MACO1: variants seen among roughly 807,000 people sequenced by gnomAD.
MACO1 encodes the protein macoilin 1, also known as macoilin.
MACO1 carries 14 observed loss-of-function variants against 78.7 expected under a neutral mutation model. That is an observed-to-expected ratio of 0.18 (90% CI 0.12 to 0.28). The LOEUF is 0.28. Ranked by LOEUF, MACO1 falls within the 10% of genes least tolerant of loss-of-function variation. The pLI, the probability that MACO1 is intolerant of heterozygous loss-of-function variation, is 1.00. For missense variants in MACO1, 501 were observed against 799.0 expected, an observed-to-expected ratio of 0.63 and a Z score of 4.50; for synonymous variants, 288 against 291.6, an observed-to-expected ratio of 0.99 and a Z score of 0.12.
At chr1:25,471,661 A>G (rs1411684396) in intron 6 of MACO1, among the ~76,000 whole-genome samples, 1 of 152,226 alleles carries the variant, frequency 6.6e-6, no homozygotes, top group African/African-American at 2.4e-5. Context: ...AATACTAGGA[A>G]GCAGGGAGGG....
In MACO1 at chr1:25,498,345, C is replaced by T; in HGVS notation, c.1874C>T (p.Thr625Ile). 1 of 1,614,166 alleles carries T rather than the reference C, an allele frequency of 6.2e-7. No homozygotes were observed. Among genetic ancestry groups the T allele is most frequent in the Non-Finnish European group, 8.5e-7 (1 of 1,180,038 alleles). Reference protein sequence around the residue: ...AEVMAVMPSITYSAATSPLSP... With the variant: ...AEVMAVMPSIIYSAATSPLSP... Reference sequence around the variant, plus strand: ...GTCATGGCCGTCATGCCCAGCATAACATACAGTGCCGCCACCAGCCCCCTG... The same window carrying T: ...GTCATGGCCGTCATGCCCAGCATAATATACAGTGCCGCCACCAGCCCCCTG... The change falls in exon 11 of 11, where the codon ACA (threonine) becomes ATA (isoleucine). Residue 625 changes from threonine to isoleucine, a missense_variant. Transcript: ENST00000374343.
At chr1:25,498,081 A>G (rs1229968232) in intron 10 of MACO1, among the ~76,000 whole-genome samples, 183 bp from the exon 11 acceptor site, 1 of 152,230 alleles carries the variant, frequency 6.6e-6, no homozygotes, top group African/African-American at 2.4e-5. Flanking sequence ...AGTACACTGT[A>G]TATGGCCCAC....
At position 25,494,738 on chromosome 1, in the gene MACO1, T is replaced by G. The variant is rs539019034; in HGVS notation, c.1792+3154T>G. Among the ~76,000 whole-genome samples, 33 of 152,132 alleles carry G rather than the reference T, an allele frequency of 2.2e-4. No homozygotes were observed. The South Asian group carries it at 6.2e-3, about 29-fold the overall frequency. On this transcript the variant is annotated intron_variant, in intron 10 of 10. Coordinates refer to ENST00000374343, the MANE Select transcript of MACO1 (RefSeq NM_018202.6). ...TCCTGAGAGTTCTGGAAGGACAAAG[T>G]TGTTGGAACCAAGGAAGGGAGAGCA...
chr1:25,436,563 A>G (rs1272661529), intron 1 of MACO1, among the ~76,000 whole-genome samples: 3 of 152,134 alleles, frequency 2.0e-5, no homozygotes, highest in Non-Finnish European at 2.9e-5. Context: ...AGCAAGCTGC[A>G]TAAGTAGGAT....
chr1:25,437,762 T>G (rs901645728), intron 1 of MACO1, among the ~76,000 whole-genome samples: 1 of 151,868 alleles, frequency 6.6e-6, no homozygotes, highest in African/African-American at 2.4e-5. Context: ...TCTACTAAAA[T>G]TCAAAAAAAT....
chr1:25,495,892 G>A (rs1442805013), intron 10 of MACO1, among the ~76,000 whole-genome samples: 1 of 152,180 alleles, frequency 6.6e-6, no homozygotes, highest in Non-Finnish European at 1.5e-5. Flanking sequence ...AACCCCGAAA[G>A]TGGAGGTTGC....
Position 25,458,410 on chromosome 1 carries a change from T to A in MACO1, c.672T>A (p.Asp224Glu). The change falls in exon 6 of 11, where the codon GAT becomes GAA. Residue 224 changes from aspartate (D) to glutamate (E), a missense_variant. Around this residue, in one of 5 missense-constraint regions of MACO1, gnomAD observed 171 missense variants for 292.1 expected, o/e 0.59. Coordinates refer to ENST00000374343, the MANE Select transcript of MACO1 (RefSeq NM_018202.6). Reference sequence around the variant, plus strand: ...TTGTAGCAGCCAAAGGATTACCTGATATGGATTCTTCGATCCTTATACACC... The same window carrying A: ...TTGTAGCAGCCAAAGGATTACCTGAAATGGATTCTTCGATCCTTATACACC... The part of the protein sequence containing the change: ...EAEEAAKGLP[D>E]MDSSILIHHN... 6.3e-7 allele frequency: 1 copy of A among 1,595,866 alleles called. No individual in the cohort carries two copies. The highest frequency in any genetic ancestry group is 1.1e-5 in the South Asian group (1 of 88,018).
chr1:25,431,313 C>A (rs1460817681), intron 1 of MACO1, 135 bp downstream of exon 1: 18 of 405,376 alleles, frequency 4.4e-5, no homozygotes, highest in Non-Finnish European at 6.5e-5. Context: ...GCGCTGGCCC[C>A]GGAGCCGCTG....
chr1:25,480,955 T>A (rs865975667), intron 6 of MACO1, among the ~76,000 whole-genome samples: 5,373 of 118,800 alleles, frequency 0.045, 765 homozygotes, highest in African/African-American at 0.14. Flanking sequence ...TATATATATA[T>A]ATATATATAT....
At position 25,485,802 on chromosome 1, in the gene MACO1, C is replaced by A; in HGVS notation, c.1496+7C>A. 1.2e-6 allele frequency: 2 copies of A among 1,602,488 alleles called. No individual in the cohort carries two copies. The highest frequency in any genetic ancestry group is 2.3e-5 in the South Asian group (2 of 88,814). On this transcript the variant is annotated splice_region_variant and intron_variant, in intron 8 of 10. Coordinates refer to ENST00000374343, the MANE Select transcript of MACO1 (RefSeq NM_018202.6). The surrounding 1 kb of genome is among the most constrained non-coding windows in gnomAD (Gnocchi z 4.3). ...CGTTTGCTGCTGCATCTAGGTATGTCCATGTCACCTGAGTGTTTAATCCAA... is the reference window on the plus strand; with the variant it reads ...CGTTTGCTGCTGCATCTAGGTATGTACATGTCACCTGAGTGTTTAATCCAA...
intron 6 of MACO1, among the ~76,000 whole-genome samples, chr1:25,460,429 G>T (rs2043161065): frequency 6.7e-6 from 1 of 149,960 alleles, no homozygotes; most frequent in Admixed American, 6.6e-5. Flanking sequence ...TTTGAGATAG[G>T]ATCTCACTGT....
intron 10 of MACO1, among the ~76,000 whole-genome samples, 178 bp from the exon 11 acceptor site, chr1:25,498,086 G>A (rs1372414423): frequency 6.6e-6 from 1 of 152,128 alleles, no homozygotes; most frequent in Non-Finnish European, 1.5e-5. Flanking sequence ...ACTGTATATG[G>A]CCCACGACAC....
chr1:25,484,819 C>T (rs546769312), intron 7 of MACO1, among the ~76,000 whole-genome samples: 44 of 152,056 alleles, frequency 2.9e-4, no homozygotes, highest in South Asian at 1.0e-3. Flanking sequence ...AATGTGTGCC[C>T]GTGGTAGTGA....
At chr1:25,457,248 G>T (rs946620252) in intron 5 of MACO1, among the ~76,000 whole-genome samples, 3 of 151,606 alleles carry the variant, frequency 2.0e-5, no homozygotes, top group African/African-American at 7.3e-5. Flanking sequence ...TGCTACCATG[G>T]GCACGTGCCA....
At chr1:25,440,767 CA>C (rs71815906) in intron 1 of MACO1, among the ~76,000 whole-genome samples, 14,403 of 106,954 alleles carry the variant, frequency 0.13, 2,292 homozygotes, top group African/African-American at 0.44. Context: ...GACTCCATCT[CA>C]AAAAAAAAAA....
chr1:25,470,830 C>T (rs910046532), intron 6 of MACO1, among the ~76,000 whole-genome samples: 1 of 151,908 alleles, frequency 6.6e-6, no homozygotes, highest in Admixed American at 6.6e-5. Context: ...GAGTTTGAGA[C>T]CAGCCTGGCC....
chr1:25,443,741 C>T (rs2042991600), intron 1 of MACO1, among the ~76,000 whole-genome samples: 1 of 152,228 alleles, frequency 6.6e-6, no homozygotes, highest in South Asian at 2.1e-4. Flanking sequence ...CAGGATCTGA[C>T]TGGGGTCTGA....
At chr1:25,482,741 G>T (rs768604073) in intron 6 of MACO1, among the ~76,000 whole-genome samples, 1 of 152,170 alleles carries the variant, frequency 6.6e-6, no homozygotes, top group Non-Finnish European at 1.5e-5. Flanking sequence ...GAGCTAGACT[G>T]CCTGGATGAC....
chr1:25,472,529 G>T (rs1054377437), intron 6 of MACO1, among the ~76,000 whole-genome samples: 14 of 152,174 alleles, frequency 9.2e-5, no homozygotes, highest in African/African-American at 2.4e-5. Flanking sequence ...CCATGTTTCT[G>T]TTCCAACCTT....
Sources: allele counts gnomAD v4.1 joint callset (sites outside exome capture counted in the v4.1 genomes callset), GRCh38; gene constraint gnomAD v4.1.1; regional missense constraint gnomAD v4.1.1; non-coding constraint Gnocchi (gnomAD v3.1); transcripts MANE v1.5; gene names NCBI Gene and HGNC (gene_info 2026-07-23, HGNC 2026-07-21).